ENAH: variants seen among roughly 807,000 people sequenced by gnomAD.
The protein encoded by ENAH is protein enabled homolog.
Under a neutral mutation model 78.7 loss-of-function variants are expected in ENAH, and 23 were observed. The observed-to-expected ratio is 0.29, with a 90% CI of 0.21 to 0.41. The LOEUF is 0.41. ENAH is among the 10% of genes least tolerant of loss of function. The pLI, the probability that ENAH is intolerant of heterozygous loss-of-function variation, is 1.00. For synonymous variants in ENAH, 226 were observed against 241.0 expected, an observed-to-expected ratio of 0.94 and a Z score of 0.58; for missense variants, 544 against 691.0, an observed-to-expected ratio of 0.79 and a Z score of 2.39.
chr1:225,499,429 T>A (rs2151030732), intron 12 of ENAH, among the ~76,000 whole-genome samples: 1 of 152,292 alleles, frequency 6.6e-6, no homozygotes, highest in Non-Finnish European at 1.5e-5. Context: ...CTCAGCACTT[T>A]GGGAGGCCAA....
At chr1:225,520,994 T>G (rs2096464058) in intron 4 of ENAH, among the ~76,000 whole-genome samples, 2 of 142,850 alleles carry the variant, frequency 1.4e-5, no homozygotes, top group African/African-American at 5.3e-5. Context: ...TTAGTAAAAC[T>G]GAGGATATCT....
At position 225,491,736 on chromosome 1, in the gene ENAH, TTC is replaced by T. The variant is rs1157656274; in HGVS notation, c.*6037_*6038del. The T allele has an allele frequency of 1.4e-4, 22 of 152,334 alleles. No homozygotes were observed. Among genetic ancestry groups the T allele is most frequent in the African/African-American group, 3.8e-4 (16 of 41,588 alleles). The allele number at this position is 152,334 out of a possible 1,614,324, so 9.4% of individuals were successfully genotyped here. ...AACACTAGCCAATGTAGACTTTTTCTTCTGAGTGCTTTTTCCTATGGAATTCA... is the reference window on the plus strand; with the variant it reads ...AACACTAGCCAATGTAGACTTTTTCTTGAGTGCTTTTTCCTATGGAATTCA... On this transcript the variant is annotated 3_prime_UTR_variant, in exon 14 of 14. Transcript: ENST00000366843.
intron 4 of ENAH, among the ~76,000 whole-genome samples, chr1:225,521,504 G>C (rs947477795): frequency 1.3e-5 from 2 of 151,952 alleles, no homozygotes; most frequent in Non-Finnish European, 2.9e-5. Context: ...AGCTGGGCGT[G>C]GTGGTGTGCG....
intron 3 of ENAH, among the ~76,000 whole-genome samples, chr1:225,552,366 C>T (rs2096645497): frequency 6.6e-6 from 1 of 151,954 alleles, no homozygotes; most frequent in African/African-American, 2.4e-5. Context: ...TCTCAATCTC[C>T]TGACCTCGTG....
rs926785193 is a variant in ENAH, at chr1:225,592,946, T to C, written c.6-25532A>G. ...GGAAACATATTTATTTCTCTTTCTC[T>C]CTCCACATCTAGTTCCTCCACACAG... On this transcript the variant is annotated intron_variant, in intron 1 of 13. Coordinates refer to ENST00000366843, the MANE Select transcript of ENAH (RefSeq NM_018212.6). Among the ~76,000 whole-genome samples the C allele has an allele frequency of 3.9e-5, 6 of 152,222 alleles. No homozygotes were observed. In the East Asian group the frequency reaches 1.2e-3, roughly 29 times the overall value.
At chr1:225,534,195 T>G (rs1016084371) in intron 3 of ENAH, among the ~76,000 whole-genome samples, 1 of 151,936 alleles carries the variant, frequency 6.6e-6, no homozygotes, top group Admixed American at 6.6e-5. Context: ...GTTCAAAAGA[T>G]AGCCCGGAAA....
rs1466183745 is a variant in ENAH, at chr1:225,487,144, A to G, written c.*10631T>C. Reference sequence around the variant, plus strand: ...CATACAGGTTACACTTTATGGTTACATGAAATTGCATGCAATTCACACAGA... The same window carrying G: ...CATACAGGTTACACTTTATGGTTACGTGAAATTGCATGCAATTCACACAGA... On this transcript the variant is annotated 3_prime_UTR_variant, in exon 14 of 14. Transcript: ENST00000366843. 1 of 152,322 alleles carries G rather than the reference A, an allele frequency of 6.6e-6. No homozygotes were observed. Among genetic ancestry groups the G allele is most frequent in the Non-Finnish European group, 1.5e-5 (1 of 68,040 alleles). The allele number at this position is 152,322 out of a possible 1,614,324, so 9.4% of individuals were successfully genotyped here.
intron 1 of ENAH, among the ~76,000 whole-genome samples, chr1:225,598,801 A>G (rs1456780788): frequency 6.6e-6 from 1 of 152,174 alleles, no homozygotes; most frequent in Non-Finnish European, 1.5e-5. Context: ...ACAAAAGAAT[A>G]GAAATGGAAA....
chr1:225,584,519 C>T (rs865779043), intron 1 of ENAH, among the ~76,000 whole-genome samples: 1 of 151,858 alleles, frequency 6.6e-6, no homozygotes, highest in East Asian at 1.9e-4. Flanking sequence ...AAGGGACAAA[C>T]AGAATACAAA....
At chr1:225,580,956 A>G (rs1459378529) in intron 1 of ENAH, among the ~76,000 whole-genome samples, 1 of 135,250 alleles carries the variant, frequency 7.4e-6, no homozygotes, top group African/African-American at 2.7e-5. Flanking sequence ...AGATTTCATA[A>G]GCTCCGTGAC....
At position 225,649,113 on chromosome 1, in the gene ENAH, T is replaced by C. The variant is rs558579699; in HGVS notation, c.5+3573A>G. Among the ~76,000 whole-genome samples, 6 of 152,300 alleles carry C rather than the reference T, an allele frequency of 3.9e-5. No individual in the cohort carries two copies. In the South Asian group the frequency reaches 1.2e-3, roughly 32 times the overall value. On this transcript the variant is annotated intron_variant, in intron 1 of 13. Coordinates refer to ENST00000366843, the MANE Select transcript of ENAH (RefSeq NM_018212.6). ...GTGTATAAAGTACCTTCTATTATCATTTGATCCTCACTACTCAGTTAAGAA... is the reference window on the plus strand; with the variant it reads ...GTGTATAAAGTACCTTCTATTATCACTTGATCCTCACTACTCAGTTAAGAA...
intron 1 of ENAH, among the ~76,000 whole-genome samples, chr1:225,635,396 A>G (rs974902035): frequency 3.1e-4 from 47 of 152,152 alleles, no homozygotes; most frequent in Non-Finnish European, 5.9e-4. Flanking sequence ...TATAGAAATA[A>G]CTGATTTTTG....
chr1:225,637,721 T>C (rs1294589725), intron 1 of ENAH, among the ~76,000 whole-genome samples: 5 of 152,178 alleles, frequency 3.3e-5, no homozygotes, highest in Non-Finnish European at 7.3e-5. Context: ...AACTGGCTAT[T>C]TGCTTTCAGA....
rs1390095572 is a variant in ENAH, at chr1:225,519,320, T to C, written c.680A>G (p.Gln227Arg). The C allele has an allele frequency of 3.1e-6, 5 of 1,608,970 alleles. No homozygotes were observed. The highest frequency in any genetic ancestry group is 1.1e-5 in the South Asian group (1 of 90,480). ...CAGCCTCTCTCGTTCTTGTCTTTCT[T>C]GCCTCTCCCGATCCAGGCGTTCCTG... ...ERQERLDRER[Q>R]ERQERERLER... The change falls in exon 5 of 14, where the codon CAA (glutamine) becomes CGA (arginine). Residue 227 changes from glutamine to arginine, a missense_variant. By Grantham distance (43) the Gln-to-Arg change is conservative. Transcript: ENST00000366843.
intron 1 of ENAH, among the ~76,000 whole-genome samples, chr1:225,636,725 T>G (rs1003173768): frequency 2.6e-4 from 39 of 152,138 alleles, no homozygotes; most frequent in African/African-American, 9.2e-4. Flanking sequence ...CAATCAATAG[T>G]CATGAGTTTA....
chr1:225,497,741 A>G lies in ENAH; in HGVS notation c.*34T>C. ...GTTGTTTGTAGGATATTTTTCCTCC[A>G]GATTAAAGTCCTATCTCTCCTTAGT... is the stretch of plus-strand genomic sequence containing the variant. On this transcript the variant is annotated 3_prime_UTR_variant, in exon 14 of 14. Coordinates refer to ENST00000366843, the MANE Select transcript of ENAH (RefSeq NM_018212.6). 6.2e-7 allele frequency: 1 copy of G among 1,602,960 alleles called. No individual in the cohort carries two copies. Among genetic ancestry groups the G allele is most frequent in the South Asian group, 1.1e-5 (1 of 89,864 alleles).
intron 4 of ENAH, among the ~76,000 whole-genome samples, chr1:225,529,034 T>TAA (rs1292667158): frequency 6.6e-6 from 1 of 152,142 alleles, no homozygotes; most frequent in East Asian, 1.9e-4. Context: ...AACAGCCTCT[T>TAA]AACTGGCTTT....
At chr1:225,612,584 TTA>T (rs1343334595) in intron 1 of ENAH, among the ~76,000 whole-genome samples, 1 of 152,170 alleles carries the variant, frequency 6.6e-6, no homozygotes, top group Non-Finnish European at 1.5e-5. Flanking sequence ...ATGGTAAATT[TTA>T]TGTTATCTGC....
intron 8 of ENAH, 34 bp from the exon 9 acceptor site, chr1:225,512,748 T>G (rs759391782): frequency 2.5e-6 from 4 of 1,611,886 alleles, no homozygotes; most frequent in Non-Finnish European, 3.4e-6. Context: ...TTTAAAAATA[T>G]TATCTGATTC....
Sources: gnomAD v4.1 joint callset for allele counts (sites outside exome capture counted in the v4.1 genomes callset) on GRCh38, gnomAD v4.1.1 for gene constraint, MANE v1.5 for transcripts, NCBI Gene and HGNC (gene_info 2026-07-23, HGNC 2026-07-21) for gene names.